INTS9: variants seen among roughly 807,000 people sequenced by gnomAD.
INTS9 encodes integrator complex subunit 9.
In INTS9, 55 loss-of-function variants were observed where a neutral mutation model predicts 79.7. That is an observed-to-expected ratio of 0.69 (90% CI 0.56 to 0.86). The LOEUF (loss-of-function observed/expected upper bound fraction) is 0.86. Among genes scored for constraint, INTS9 ranks in the 40% least tolerant of loss-of-function variants. The pLI, the probability that INTS9 is intolerant of heterozygous loss-of-function variation, is 0.00. For synonymous variants in INTS9, 319 were observed against 325.2 expected (o/e 0.98, Z 0.20); for missense variants, 721 against 831.5 (o/e 0.87, Z 1.64).
intron 15 of INTS9, 118 bp from the exon 16 acceptor site, chr8:28,770,144 G>A: frequency 7.6e-7 from 1 of 1,319,124 alleles, no homozygotes; most frequent in South Asian, 1.5e-5. Context: ...CCCCGGCCCG[G>A]TTTCCTCAGC....
intron 1 of INTS9, among the ~76,000 whole-genome samples, chr8:28,881,381 G>A (rs1809784285): frequency 6.9e-6 from 1 of 145,488 alleles, no homozygotes; most frequent in African/African-American, 2.5e-5. Context: ...CTACTGGGAA[G>A]TGAGGAGCCC....
At chr8:28,846,866 A>G (rs1807548539) in intron 3 of INTS9, 57 bp from the exon 4 acceptor site, 2 of 1,318,608 alleles carry the variant, frequency 1.5e-6, no homozygotes, top group Non-Finnish European at 2.2e-6. Flanking sequence ...ATACAGGACC[A>G]AAGAAATAAA....
At chr8:28,838,071 C>T (rs539572908) in intron 4 of INTS9, among the ~76,000 whole-genome samples, 9 of 152,028 alleles carry the variant, frequency 5.9e-5, no homozygotes, top group African/African-American at 1.2e-4. Flanking sequence ...CAGGACCCTT[C>T]GGCAGCTGCT....
chr8:28,871,025 A>G (rs1269405223), intron 1 of INTS9, among the ~76,000 whole-genome samples: 1 of 152,220 alleles, frequency 6.6e-6, no homozygotes, highest in Non-Finnish European at 1.5e-5. Flanking sequence ...ATGCTGGGTT[A>G]TTCACATGCA....
intron 14 of INTS9, 127 bp downstream of exon 14, chr8:28,775,632 G>GT: frequency 9.8e-7 from 1 of 1,023,444 alleles, no homozygotes; most frequent in Admixed American, 2.3e-5. Context: ...GATTATAGGC[G>GT]TGAGCTACTG....
chr8:28,854,212 T>A (rs895954162), intron 2 of INTS9, among the ~76,000 whole-genome samples: 1 of 152,112 alleles, frequency 6.6e-6, no homozygotes, highest in Non-Finnish European at 1.5e-5. Context: ...AATCAGAAAA[T>A]AATAGTGAAA....
intron 3 of INTS9, among the ~76,000 whole-genome samples, chr8:28,847,143 A>G (rs1807564643): frequency 3.9e-5 from 6 of 152,236 alleles, no homozygotes; most frequent in Admixed American, 3.9e-4. Flanking sequence ...TAGCAACACC[A>G]GAATTATGTG....
chr8:28,814,358 CAA>C (rs1805349587), intron 6 of INTS9, among the ~76,000 whole-genome samples: 1 of 149,132 alleles, frequency 6.7e-6, no homozygotes, highest in African/African-American at 2.5e-5. Flanking sequence ...ACCCTTAAGA[CAA>C]AGAGAATGAG....
At chr8:28,820,783 T>C (rs1805785101) in intron 6 of INTS9, among the ~76,000 whole-genome samples, 1 of 152,122 alleles carries the variant, frequency 6.6e-6, no homozygotes, top group Admixed American at 6.5e-5. Flanking sequence ...GACAGAAACA[T>C]CAGTATGCAT....
chr8:28,870,803 G>C (rs1236586611), intron 1 of INTS9, among the ~76,000 whole-genome samples: 1 of 152,158 alleles, frequency 6.6e-6, no homozygotes. Flanking sequence ...TATTTAGGGG[G>C]AAGATGCCTG....
chr8:28,886,938 T>C (rs1424651171), intron 1 of INTS9, among the ~76,000 whole-genome samples: 1 of 152,264 alleles, frequency 6.6e-6, no homozygotes, highest in Non-Finnish European at 1.5e-5. Flanking sequence ...CTGCTTATTG[T>C]AATCTCTTTA....
intron 6 of INTS9, among the ~76,000 whole-genome samples, chr8:28,819,939 T>C (rs1437636113): frequency 6.6e-6 from 1 of 152,206 alleles, no homozygotes; most frequent in Non-Finnish European, 1.5e-5. Flanking sequence ...TCTTTGTTGG[T>C]TTAAAGTCTG....
At chr8:28,881,503 A>C (rs1585534700) in intron 1 of INTS9, among the ~76,000 whole-genome samples, 1 of 105,724 alleles carries the variant, frequency 9.5e-6, no homozygotes, top group Non-Finnish European at 1.8e-5. Flanking sequence ...CCGCCCGGCC[A>C]GCCGCCCCGT....
intron 4 of INTS9, 133 bp downstream of exon 4, chr8:28,846,614 A>T: frequency 1.5e-6 from 1 of 679,452 alleles, no homozygotes. Context: ...GCTGTGTAAC[A>T]ATGTGCCTGG....
At position 28,871,331 on chromosome 8, in the gene INTS9, G is replaced by T. The variant is rs553262945; in HGVS notation, c.10-11768C>A. ...TTGGTCCATGATAAAATACTTCTTTGAAAATCTTTATTATGGAATCTGAGC... is the reference window on the plus strand; with the variant it reads ...TTGGTCCATGATAAAATACTTCTTTTAAAATCTTTATTATGGAATCTGAGC... On this transcript the variant is annotated intron_variant, in intron 1 of 16. Coordinates refer to ENST00000521022, the MANE Select transcript of INTS9 (RefSeq NM_018250.4). Among the ~76,000 whole-genome samples, 196 of 152,262 alleles carry T rather than the reference G, an allele frequency of 1.3e-3. 1 individual carries two copies. The highest frequency in any genetic ancestry group is 3.4e-3 in the Middle Eastern group (1 of 294).
intron 12 of INTS9, among the ~76,000 whole-genome samples, chr8:28,779,178 G>A (rs747093395): frequency 2.6e-5 from 4 of 152,192 alleles, no homozygotes; most frequent in Non-Finnish European, 5.9e-5. Context: ...CCACTACATA[G>A]GACATTCTCT....
intron 1 of INTS9, among the ~76,000 whole-genome samples, chr8:28,874,721 A>G (rs1809283997): frequency 6.6e-6 from 1 of 152,178 alleles, no homozygotes; most frequent in Non-Finnish European, 1.5e-5. Flanking sequence ...CAATTTGCCT[A>G]ACTTTCCCTT....
intron 1 of INTS9, among the ~76,000 whole-genome samples, chr8:28,874,858 C>T (rs1054819716): frequency 2.0e-5 from 3 of 152,090 alleles, no homozygotes; most frequent in South Asian, 2.1e-4. Context: ...TGTATTAGTC[C>T]GTTTTCACAC....
At chr8:28,888,532 A>G (rs1810302257) in intron 1 of INTS9, among the ~76,000 whole-genome samples, 1 of 152,236 alleles carries the variant, frequency 6.6e-6, no homozygotes, top group South Asian at 2.1e-4. Context: ...TCTGGGCCCC[A>G]CAAAGCCAGA....
Sources: allele counts gnomAD v4.1 joint callset (sites outside exome capture counted in the v4.1 genomes callset), GRCh38; gene constraint gnomAD v4.1.1; transcripts MANE v1.5; gene names NCBI Gene and HGNC (gene_info 2026-07-23, HGNC 2026-07-21).